The following UGT1A5 variants were observed in gnomAD, a reference collection of about 807,000 sequenced individuals.
UGT1A5 encodes the protein UDP-glucuronosyltransferase 1A5.
A neutral mutation model predicts 40.3 loss-of-function variants in UGT1A5; 29 were observed. The observed-to-expected ratio is 0.72, with a 90% confidence interval of 0.54 to 0.98. The LOEUF (loss-of-function observed/expected upper bound fraction) is 0.98, where lower values mean the gene tolerates loss of function less well. Among genes scored for constraint, UGT1A5 ranks in the 50% least tolerant of loss-of-function variants. The pLI, the probability that UGT1A5 is intolerant of heterozygous loss-of-function variation, is 0.00. For missense variants in UGT1A5, 678 were observed against 677.9 expected (o/e 1.00, Z 0.00); for synonymous variants, 257 against 262.5 (o/e 0.98, Z 0.20).
Position 233,769,626 on chromosome 2 carries a change from C to A in UGT1A5, c.1307+1187C>A. 2 of 1,612,112 alleles carry A rather than the reference C, an allele frequency of 1.2e-6. No individual in the cohort carries two copies. The highest frequency in any genetic ancestry group is 1.7e-6 in the Non-Finnish European group (2 of 1,179,588). The stretch of plus-strand genomic sequence containing the variant: ...GGGACACACCAGCTTGAGCAAGGGA[C>A]AACAGGGGAGGACTGATGACTGACT... On this transcript the variant is annotated intron_variant, in intron 4 of 4. Transcript: ENST00000373414. The surrounding 1 kb of genome is among the most constrained non-coding windows in gnomAD (Gnocchi z 4.4).
intron 1 of UGT1A5, chr2:233,747,264 A>G (rs1440326311): frequency 6.9e-5 from 111 of 1,598,996 alleles, no homozygotes; most frequent in Non-Finnish European, 9.0e-5. Flanking sequence ...CAGGAGTGCT[A>G]CTCCTTCTCA....
Position 233,772,728 on chromosome 2 carries a change from C to T in UGT1A5, c.*169C>T, listed in dbSNP as rs1029569602. 2.4e-5 allele frequency: 35 copies of T among 1,446,106 alleles called. No homozygotes were observed. The highest frequency in any genetic ancestry group is 8.7e-5 in the South Asian group (6 of 68,994). The allele number at this position is 1,446,106 out of a possible 1,614,324, so 89.6% of individuals were successfully genotyped here. A position where few individuals can be genotyped will look rare whatever the true frequency, so the allele number is the denominator to read the frequency against. ...TTCTCTTAAATAAAAATAATAGACT[C>T]GCTAGTCAGTAAAGATATTTGAATA... On this transcript the variant is annotated 3_prime_UTR_variant, in exon 5 of 5. Coordinates refer to ENST00000373414, the MANE Select transcript of UGT1A5 (RefSeq NM_019078.2).
chr2:233,756,202 C>T (rs540523452), intron 1 of UGT1A5: 9 of 152,318 alleles, frequency 5.9e-5, no homozygotes, highest in African/African-American at 1.7e-4. Flanking sequence ...AGAGTAGTCC[C>T]TGGTATTCTG....
In UGT1A5 at chr2:233,769,378, G is replaced by A. The variant is rs986725274; in HGVS notation, c.1307+939G>A. Reference sequence around the variant, plus strand: ...TGGTGGCCAGTGGTAGATTTCATCCGACAATAGATACTGTGTGCATATGTG... The same window carrying A: ...TGGTGGCCAGTGGTAGATTTCATCCAACAATAGATACTGTGTGCATATGTG... On this transcript the variant is annotated intron_variant, in intron 4 of 4. Coordinates refer to ENST00000373414, the MANE Select transcript of UGT1A5 (RefSeq NM_019078.2). This position sits in a 1 kb window ranked among gnomAD's most constrained non-coding sequence, Gnocchi z 4.4. Among the ~76,000 whole-genome samples, 7 of 152,200 alleles carry A rather than the reference G, an allele frequency of 4.6e-5. No individual in the cohort carries two copies. Among genetic ancestry groups the A allele is most frequent in the African/African-American group, 7.2e-5 (3 of 41,448 alleles).
chr2:233,740,186 C>T (rs1343042773), intron 1 of UGT1A5, among the ~76,000 whole-genome samples: 1 of 151,760 alleles, frequency 6.6e-6, no homozygotes, highest in Non-Finnish European at 1.5e-5. Flanking sequence ...TCAATTAAAC[C>T]TCTTTCTTTT....
chr2:233,750,221 T>C (rs1694392480), intron 1 of UGT1A5, among the ~76,000 whole-genome samples: 1 of 151,858 alleles, frequency 6.6e-6, no homozygotes, highest in Non-Finnish European at 1.5e-5. Context: ...CAGATGGAGA[T>C]GAGGAACTTA....
At chr2:233,745,938 G>A (rs1693254361) in intron 1 of UGT1A5, among the ~76,000 whole-genome samples, 1 of 151,696 alleles carries the variant, frequency 6.6e-6, no homozygotes, top group East Asian at 1.9e-4. Flanking sequence ...GGGACAGCTG[G>A]GGGTTGGGCA....
intron 1 of UGT1A5, chr2:233,747,490 T>G: frequency 6.2e-7 from 1 of 1,609,038 alleles, no homozygotes; most frequent in Non-Finnish European, 8.5e-7. Flanking sequence ...GATCGCCTTG[T>G]GCTGGGCCAC....
chr2:233,727,005 A>G (rs937597843), intron 1 of UGT1A5, among the ~76,000 whole-genome samples: 3 of 152,154 alleles, frequency 2.0e-5, no homozygotes, highest in African/African-American at 7.2e-5. Context: ...GCAAAGTTTT[A>G]TCATTTGTTG....
chr2:233,743,530 C>A (rs781463146), intron 1 of UGT1A5: 1 of 1,367,250 alleles, frequency 7.3e-7, no homozygotes, highest in Non-Finnish European at 9.8e-7. Flanking sequence ...GCTTCCCCAG[C>A]AGTTCCTCTG....
chr2:233,729,416 C>G, intron 1 of UGT1A5: 1 of 1,613,628 alleles, frequency 6.2e-7, no homozygotes, highest in Non-Finnish European at 8.5e-7. Flanking sequence ...CTGGGCCACA[C>G]TCAACTGTAC....
Position 233,722,831 on chromosome 2 carries a change from TAATAAG to T in UGT1A5, c.867+8977_867+8982del, listed in dbSNP as rs774819314. On this transcript the variant is annotated intron_variant, in intron 1 of 4. Coordinates refer to ENST00000373414, the MANE Select transcript of UGT1A5 (RefSeq NM_019078.2). ...TATTTTTTCAAGTTATTTTGTATTA[TAATAAG>T]AATGTTTCTTTTTTTTTTTTTTGAA... Among the ~76,000 whole-genome samples the T allele has an allele frequency of 7.7e-4, 116 of 149,718 alleles. 2 individuals are homozygous for T. The highest frequency in any genetic ancestry group is 2.2e-3 in the Admixed American group (33 of 14,992).
rs568508589 is a variant in UGT1A5, at chr2:233,772,293, C to T, written c.1339C>T (p.Leu447Phe). ...YKENIMRLSS[L>F]HKDRPVEPLD... Reference sequence around the variant, plus strand: ...GGAGAACATCATGCGCCTCTCCAGCCTTCACAAGGACCGCCCGGTGGAGCC... The same window carrying T: ...GGAGAACATCATGCGCCTCTCCAGCTTTCACAAGGACCGCCCGGTGGAGCC... The change falls in exon 5 of 5, where the codon CTT becomes TTT. Residue 447 changes from leucine (L) to phenylalanine (F), a missense_variant. Transcript: ENST00000373414. 1.2e-6 allele frequency: 2 copies of T among 1,614,258 alleles called. No homozygotes were observed. Among genetic ancestry groups the T allele is most frequent in the Non-Finnish European group, 1.7e-6 (2 of 1,180,050 alleles).
chr2:233,729,742 A>G (rs573582484), intron 1 of UGT1A5: 2 of 1,613,974 alleles, frequency 1.2e-6, no homozygotes, highest in East Asian at 2.2e-5. Context: ...AGACCACATG[A>G]CATTCATGCA....
chr2:233,735,695 G>A (rs1439239319), intron 1 of UGT1A5, among the ~76,000 whole-genome samples: 1 of 151,962 alleles, frequency 6.6e-6, no homozygotes, highest in Non-Finnish European at 1.5e-5. Flanking sequence ...GCTCTTGTAA[G>A]GCAGGCCTGG....
intron 1 of UGT1A5, among the ~76,000 whole-genome samples, chr2:233,721,047 T>A (rs1167296961): frequency 6.6e-6 from 1 of 152,100 alleles, no homozygotes; most frequent in Non-Finnish European, 1.5e-5. Flanking sequence ...TTGAGCCCTT[T>A]TTTGTCATAT....
chr2:233,755,295 G>A (rs566293280), intron 1 of UGT1A5: 4 of 631,344 alleles, frequency 6.3e-6, no homozygotes, highest in African/African-American at 3.8e-5. Context: ...AGCCTGCGGG[G>A]CACTGGCACA....
intron 1 of UGT1A5, chr2:233,747,278 C>A (rs925407656): frequency 4.4e-6 from 7 of 1,599,166 alleles, no homozygotes; most frequent in Middle Eastern, 3.5e-4. Context: ...CTTCTCAGTG[C>A]CCAGCCCTGG....
At chr2:233,714,597 G>T (rs1437525626) in intron 1 of UGT1A5, among the ~76,000 whole-genome samples, 2 of 152,186 alleles carry the variant, frequency 1.3e-5, no homozygotes, top group Admixed American at 6.5e-5. Context: ...TTTCTAGTGG[G>T]CATGTTAAAC....
Sources: gnomAD v4.1 joint callset for allele counts (sites outside exome capture counted in the v4.1 genomes callset) on GRCh38, gnomAD v4.1.1 for gene constraint, Gnocchi (gnomAD v3.1) non-coding constraint, MANE v1.5 for transcripts, NCBI Gene and HGNC (gene_info 2026-07-23, HGNC 2026-07-21) for gene names.